Variants in PKHD1 observed in about 807,000 individuals in gnomAD.
PKHD1 encodes the protein fibrocystin.
In PKHD1, 291 loss-of-function variants were observed where a neutral mutation model predicts 412.0. That is an observed-to-expected ratio of 0.71 (90% CI 0.64 to 0.78). The LOEUF is 0.78. Among genes scored for constraint, PKHD1 ranks in the 30% least tolerant of loss-of-function variants. The pLI, the probability that PKHD1 is intolerant of heterozygous loss-of-function variation, is 0.00. For synonymous variants in PKHD1, 1,777 were observed against 1,821.5 expected (o/e 0.98, Z 0.62); for missense variants, 4,825 against 4,950.7 (o/e 0.97, Z 0.76).
intron 60 of PKHD1, among the ~76,000 whole-genome samples, chr6:51,686,213 G>C (rs1777417616): frequency 6.6e-6 from 1 of 152,080 alleles, no homozygotes; most frequent in Non-Finnish European, 1.5e-5. Flanking sequence ...TGTAAAGAAG[G>C]ATGATCATCC....
chr6:51,694,528 T>C, intron 60 of PKHD1, among the ~76,000 whole-genome samples: 1 of 130,146 alleles, frequency 7.7e-6, no homozygotes, highest in Non-Finnish European at 1.6e-5. Context: ...AGATTACAGG[T>C]GCCCGCCACC....
At chr6:51,665,736 G>A (rs975649694) in intron 60 of PKHD1, among the ~76,000 whole-genome samples, 2 of 152,126 alleles carry the variant, frequency 1.3e-5, no homozygotes, top group African/African-American at 4.8e-5. Flanking sequence ...TTAGATGCAA[G>A]CTGAAGTGCT....
chr6:51,898,843 G>A (rs930107261), intron 43 of PKHD1, among the ~76,000 whole-genome samples: 29 of 151,528 alleles, frequency 1.9e-4, no homozygotes, highest in African/African-American at 5.3e-4. Flanking sequence ...TATCACCACC[G>A]ATCCCACAGA....
chr6:51,815,547 G>T (rs1765318635), intron 52 of PKHD1, among the ~76,000 whole-genome samples: 2 of 152,150 alleles, frequency 1.3e-5, no homozygotes, highest in Admixed American at 1.3e-4. Context: ...AACTGGAAAA[G>T]AAATAGTCGA....
At chr6:51,673,722 T>C (rs1775386017) in intron 60 of PKHD1, among the ~76,000 whole-genome samples, 1 of 152,110 alleles carries the variant, frequency 6.6e-6, no homozygotes, top group African/African-American at 2.4e-5. Context: ...GGGGTTTTAT[T>C]AAGGGATATT....
In PKHD1 at chr6:51,615,349, G is replaced by C. The variant is rs1765978613; in HGVS notation, c.*3732C>G. On this transcript the variant is annotated 3_prime_UTR_variant, in exon 67 of 67. Transcript: ENST00000371117. ...ATTCTGCCACTTAATCCACATTTAAGTTTACAGAAATGTTTTATTTCTTTT... is the reference window on the plus strand; with the variant it reads ...ATTCTGCCACTTAATCCACATTTAACTTTACAGAAATGTTTTATTTCTTTT... 6.6e-6 allele frequency: 1 copy of C among 152,114 alleles called. No individual in the cohort carries two copies. The highest frequency in any genetic ancestry group is 6.5e-5 in the Admixed American group (1 of 15,272). The allele number at this position is 152,114 out of a possible 1,614,324, so 9.4% of individuals were successfully genotyped here.
At chr6:51,848,345 G>A (rs559193214) in intron 49 of PKHD1, among the ~76,000 whole-genome samples, 8 of 152,250 alleles carry the variant, frequency 5.3e-5, no homozygotes, top group Non-Finnish European at 7.4e-5. Flanking sequence ...CTTTTCCCAC[G>A]ACTTGAAGCG....
intron 65 of PKHD1, among the ~76,000 whole-genome samples, chr6:51,629,731 T>G (rs755391847): frequency 2.6e-5 from 4 of 152,178 alleles, no homozygotes; most frequent in Non-Finnish European, 5.9e-5. Flanking sequence ...TGAGCTGAAC[T>G]AGCTATTTTT....
At chr6:51,781,003 A>AT (rs1289248595) in intron 53 of PKHD1, among the ~76,000 whole-genome samples, 3 of 152,130 alleles carry the variant, frequency 2.0e-5, no homozygotes, top group Non-Finnish European at 4.4e-5. Context: ...AATTTCGTAC[A>AT]TTTTTCCCTT....
chr6:51,712,162 G>A (rs1467188889), intron 60 of PKHD1, among the ~76,000 whole-genome samples: 1 of 152,156 alleles, frequency 6.6e-6, no homozygotes, highest in African/African-American at 2.4e-5. Flanking sequence ...TGCAACATCT[G>A]CTGTCGTTAA....
intron 52 of PKHD1, among the ~76,000 whole-genome samples, chr6:51,801,639 TTG>T (rs140197286): frequency 0.18 from 21,651 of 120,176 alleles, 2,075 homozygotes; most frequent in African/African-American, 0.28. Context: ...GCTGGCCTGA[TTG>T]TGTGTGTGTG....
At chr6:51,792,051 G>T (rs1793844520) in intron 52 of PKHD1, among the ~76,000 whole-genome samples, 1 of 152,048 alleles carries the variant, frequency 6.6e-6, no homozygotes, top group Admixed American at 6.6e-5. Flanking sequence ...TTGTCCCTTA[G>T]CTTCCCATGC....
intron 21 of PKHD1, among the ~76,000 whole-genome samples, chr6:52,052,386 C>T (rs1313110341): frequency 2.0e-5 from 3 of 152,178 alleles, no homozygotes; most frequent in African/African-American, 7.2e-5. Context: ...GACCACTGTG[C>T]CCAAGAGTGG....
chr6:51,834,150 A>T (rs573945225), intron 51 of PKHD1, among the ~76,000 whole-genome samples: 5 of 152,254 alleles, frequency 3.3e-5, no homozygotes, highest in Admixed American at 3.3e-4. Flanking sequence ...TTCAGTATCC[A>T]CAAATTTGTT....
intron 48 of PKHD1, among the ~76,000 whole-genome samples, chr6:51,862,251 CA>C (rs1347461811): frequency 6.6e-6 from 1 of 152,100 alleles, no homozygotes; most frequent in Non-Finnish European, 1.5e-5. Flanking sequence ...TGAAATAAAC[CA>C]GAGCTTTTTA....
At chr6:51,678,761 A>G (rs1219046878) in intron 60 of PKHD1, among the ~76,000 whole-genome samples, 1 of 152,066 alleles carries the variant, frequency 6.6e-6, no homozygotes, top group Non-Finnish European at 1.5e-5. Flanking sequence ...CTTTTATAAT[A>G]TAATATTCGC....
chr6:51,942,641 C>G (rs1007786782), intron 36 of PKHD1, among the ~76,000 whole-genome samples: 2 of 151,386 alleles, frequency 1.3e-5, no homozygotes, highest in Admixed American at 1.3e-4. Flanking sequence ...CATTCACCCC[C>G]ATTTCTCCAT....
intron 53 of PKHD1, among the ~76,000 whole-genome samples, chr6:51,790,586 T>C (rs961561105): frequency 6.6e-6 from 1 of 152,176 alleles, no homozygotes; most frequent in African/African-American, 2.4e-5. Context: ...TTCTCCTCAC[T>C]ACCTCTTCCA....
intron 35 of PKHD1, among the ~76,000 whole-genome samples, chr6:51,989,855 TA>T (rs1474008631): frequency 1.1e-4 from 7 of 64,136 alleles, no homozygotes; most frequent in South Asian, 5.8e-4. Context: ...AATGAAGGGA[TA>T]GGGGGAGGGA....
Sources: gnomAD v4.1 joint callset for allele counts (sites outside exome capture counted in the v4.1 genomes callset) on GRCh38, gnomAD v4.1.1 for gene constraint, MANE v1.5 for transcripts, NCBI Gene and HGNC (gene_info 2026-07-23, HGNC 2026-07-21) for gene names.